The following ZDHHC3 variants were observed in gnomAD, a reference collection of about 807,000 sequenced individuals.
The protein encoded by ZDHHC3 is palmitoyltransferase ZDHHC3.
A neutral mutation model predicts 30.6 loss-of-function variants in ZDHHC3; 9 were observed. The observed-to-expected ratio is 0.29, with a 90% CI of 0.18 to 0.51. The LOEUF is 0.51. ZDHHC3 is among the 20% of genes least tolerant of loss of function. The pLI is 0.97. For missense variants in ZDHHC3, 246 were observed against 384.2 expected (o/e 0.64, Z 3.01); for synonymous variants, 136 against 140.2 (o/e 0.97, Z 0.21).
At position 44,918,254 on chromosome 3, in the gene ZDHHC3, C is replaced by T. The variant is rs1182558782; in HGVS notation, c.*8435G>A. 1.6e-6 allele frequency: 2 copies of T among 1,213,746 alleles called. No individual in the cohort carries two copies. Among genetic ancestry groups the T allele is most frequent in the Non-Finnish European group, 2.1e-6 (2 of 948,854 alleles). 75.2% of individuals were successfully genotyped at this position (1,213,746 alleles called of 1,614,324 possible). A position where few individuals can be genotyped will look rare whatever the true frequency, so the allele number is the denominator to read the frequency against. On this transcript the variant is annotated 3_prime_UTR_variant, in exon 7 of 7. Coordinates refer to ENST00000424952, the MANE Select transcript of ZDHHC3 (RefSeq NM_001135179.2). Reference sequence around the variant, plus strand: ...GTGGCGGGGGGGGGGGCGGGGTGTCCACGGCATGGGTAAGATGGGGTCTGA... The same window carrying T: ...GTGGCGGGGGGGGGGGCGGGGTGTCTACGGCATGGGTAAGATGGGGTCTGA...
rs890772765 is a variant in ZDHHC3 at position 44,976,095 on chromosome 3, G to A, written c.-187C>T. 11 of 451,022 alleles carry A rather than the reference G, an allele frequency of 2.4e-5. No individual in the cohort carries two copies. The highest frequency in any genetic ancestry group is 3.8e-5 in the Non-Finnish European group (10 of 264,826). The allele number at this position is 451,022 out of a possible 1,614,324, so 27.9% of individuals were successfully genotyped here. On this transcript the variant is annotated 5_prime_UTR_variant, in exon 1 of 7. Coordinates refer to ENST00000424952, the MANE Select transcript of ZDHHC3 (RefSeq NM_001135179.2). ...GCTCTCTGGACTCGGCCAGACACCG[G>A]GCGGCGCGCAGGAGAAGCCCATCGA... is the stretch of plus-strand genomic sequence containing the variant.
At position 44,922,243 on chromosome 3, in the gene ZDHHC3, G is replaced by A. The variant is rs576967154; in HGVS notation, c.*4446C>T. The A allele has an allele frequency of 2.8e-5, 28 of 985,460 alleles. No homozygotes were observed. Among genetic ancestry groups the A allele is most frequent in the Admixed American group, 1.2e-4 (2 of 16,286 alleles). The allele number at this position is 985,460 out of a possible 1,614,324, so 61.0% of individuals were successfully genotyped here. A position where few individuals can be genotyped will look rare whatever the true frequency, so the allele number is the denominator to read the frequency against. ...ACACGTAGAAAGCAAAGGTCAAGAC[G>A]TGTTCAGGTCATGTATCCAGGCTGC... On this transcript the variant is annotated 3_prime_UTR_variant, in exon 7 of 7. Coordinates refer to ENST00000424952, the MANE Select transcript of ZDHHC3 (RefSeq NM_001135179.2).
chr3:44,925,321 C>T lies in ZDHHC3; in HGVS notation c.*1368G>A. 3.0e-6 allele frequency: 3 copies of T among 985,896 alleles called. No individual in the cohort carries two copies. Among genetic ancestry groups the T allele is most frequent in the Non-Finnish European group, 3.6e-6 (3 of 829,940 alleles). 61.1% of individuals were successfully genotyped at this position (985,896 alleles called of 1,614,324 possible). A position where few individuals can be genotyped will look rare whatever the true frequency, so the allele number is the denominator to read the frequency against. On this transcript the variant is annotated 3_prime_UTR_variant, in exon 7 of 7. Coordinates refer to ENST00000424952, the MANE Select transcript of ZDHHC3 (RefSeq NM_001135179.2). ...GGACAGGATTGAATAAACCTTAACTCCTACCCCCACCCCAAGCAAAAGCTA... is the reference window on the plus strand; with the variant it reads ...GGACAGGATTGAATAAACCTTAACTTCTACCCCCACCCCAAGCAAAAGCTA...
At chr3:44,968,601 T>A (rs1223077497) in intron 1 of ZDHHC3, among the ~76,000 whole-genome samples, 1 of 152,128 alleles carries the variant, frequency 6.6e-6, no homozygotes, top group East Asian at 1.9e-4. Context: ...GAAGCTGAGA[T>A]AGGAGGATCG....
intron 5 of ZDHHC3, among the ~76,000 whole-genome samples, chr3:44,932,577 C>T (rs370879296): frequency 1.3e-5 from 2 of 152,148 alleles, no homozygotes; most frequent in South Asian, 4.1e-4. Context: ...TTGCACATTT[C>T]AGTGGGAAGC....
At chr3:44,940,534 A>T (rs1378771394) in intron 3 of ZDHHC3, among the ~76,000 whole-genome samples, 1 of 152,148 alleles carries the variant, frequency 6.6e-6, no homozygotes, top group Non-Finnish European at 1.5e-5. Flanking sequence ...TAAGCTGGTG[A>T]GCTCCATGGC....
At chr3:44,946,790 T>G (rs187273252) in intron 2 of ZDHHC3, among the ~76,000 whole-genome samples, 1 of 152,252 alleles carries the variant, frequency 6.6e-6, no homozygotes, top group Admixed American at 6.5e-5. Context: ...TGCTGAACTG[T>G]GCGTATGCAG....
chr3:44,963,917 A>G (rs1704704374), intron 1 of ZDHHC3, among the ~76,000 whole-genome samples: 1 of 152,238 alleles, frequency 6.6e-6, no homozygotes, highest in Admixed American at 6.5e-5. Flanking sequence ...AAATGCAAGG[A>G]GCTGTGCAGG....
chr3:44,949,301 T>A (rs1015136295), intron 2 of ZDHHC3, among the ~76,000 whole-genome samples: 4 of 152,198 alleles, frequency 2.6e-5, no homozygotes, highest in South Asian at 2.1e-4. Context: ...ATAACAGATT[T>A]TATATACATA....
At chr3:44,935,944 C>T (rs1240705017) in intron 3 of ZDHHC3, among the ~76,000 whole-genome samples, 4 of 152,140 alleles carry the variant, frequency 2.6e-5, no homozygotes, top group Non-Finnish European at 5.9e-5. Context: ...CCATCCTGGA[C>T]ATAGGGCAAA....
Position 44,920,263 on chromosome 3 carries a change from G to T in ZDHHC3, c.*6426C>A, listed in dbSNP as rs758982730. On this transcript the variant is annotated 3_prime_UTR_variant, in exon 7 of 7. Coordinates refer to ENST00000424952, the MANE Select transcript of ZDHHC3 (RefSeq NM_001135179.2). ...GCCCCTCGCCAGGCCTCCCTTCTTGGCACAGAAGCAGTGACCAGCTGAGAT... is the reference window on the plus strand; with the variant it reads ...GCCCCTCGCCAGGCCTCCCTTCTTGTCACAGAAGCAGTGACCAGCTGAGAT... 1 of 1,289,902 alleles carries T rather than the reference G, an allele frequency of 7.8e-7. No homozygotes were observed. The highest frequency in any genetic ancestry group is 1.0e-6 in the Non-Finnish European group (1 of 988,902). The allele number at this position is 1,289,902 out of a possible 1,614,324, so 79.9% of individuals were successfully genotyped here.
chr3:44,973,168 T>C (rs984632139), intron 1 of ZDHHC3, among the ~76,000 whole-genome samples: 1 of 152,224 alleles, frequency 6.6e-6, no homozygotes, highest in Non-Finnish European at 1.5e-5. Context: ...ATTAACTATA[T>C]AGTTCATAGG....
rs1033309909 is a variant in ZDHHC3, at chr3:44,923,035, G to A, written c.*3654C>T. On this transcript the variant is annotated 3_prime_UTR_variant, in exon 7 of 7. Coordinates refer to ENST00000424952, the MANE Select transcript of ZDHHC3 (RefSeq NM_001135179.2). The stretch of plus-strand genomic sequence containing the variant: ...AAGCCCATCCCAGCCCACCCGGAGA[G>A]GAGTTTCTGTGTAATGCCAACCTCA... 3.0e-6 allele frequency: 3 copies of A among 984,874 alleles called. No homozygotes were observed. Among genetic ancestry groups the A allele is most frequent in the South Asian group, 4.7e-5 (1 of 21,240 alleles). 61.0% of individuals were successfully genotyped at this position (984,874 alleles called of 1,614,324 possible). A position where few individuals can be genotyped will look rare whatever the true frequency, so the allele number is the denominator to read the frequency against.
At chr3:44,931,202 C>A (rs950008993) in intron 5 of ZDHHC3, among the ~76,000 whole-genome samples, 1 of 152,202 alleles carries the variant, frequency 6.6e-6, no homozygotes, top group Non-Finnish European at 1.5e-5. Context: ...CAGGGGAATA[C>A]TTAAGAATTC....
intron 3 of ZDHHC3, among the ~76,000 whole-genome samples, chr3:44,936,682 C>G (rs1346517240): frequency 6.6e-6 from 1 of 152,016 alleles, no homozygotes; most frequent in Non-Finnish European, 1.5e-5. Flanking sequence ...TATGTGGCCA[C>G]AAAGATGGGA....
rs553360768 is a variant in ZDHHC3 at position 44,944,426 on chromosome 3, G to A, written c.431+742C>T. 2.4e-4 allele frequency among the ~76,000 whole-genome samples: 37 copies of A among 152,266 alleles called. No individual in the cohort carries two copies. In the East Asian group the frequency reaches 5.2e-3, roughly 22 times the overall value. On this transcript the variant is annotated intron_variant, in intron 3 of 6. Coordinates refer to ENST00000424952, the MANE Select transcript of ZDHHC3 (RefSeq NM_001135179.2). Reference sequence around the variant, plus strand: ...CTCCTAAAGTGCTGGGATTACAGGCGTGAGCCACTGCGCCCGGCCTAATTT... The same window carrying A: ...CTCCTAAAGTGCTGGGATTACAGGCATGAGCCACTGCGCCCGGCCTAATTT...
At chr3:44,950,818 A>G (rs1159200285) in intron 2 of ZDHHC3, among the ~76,000 whole-genome samples, 2 of 152,230 alleles carry the variant, frequency 1.3e-5, no homozygotes, top group African/African-American at 4.8e-5. Flanking sequence ...AATCCTGGAC[A>G]GACAGCAGGA....
intron 3 of ZDHHC3, among the ~76,000 whole-genome samples, chr3:44,944,807 C>CT (rs1320433989): frequency 5.9e-5 from 9 of 152,186 alleles, no homozygotes; most frequent in African/African-American, 1.9e-4. Context: ...TTTTCTAAAG[C>CT]TTTTTCTCAT....
intron 2 of ZDHHC3, among the ~76,000 whole-genome samples, chr3:44,946,625 T>G (rs1295292242): frequency 6.6e-6 from 1 of 152,106 alleles, no homozygotes; most frequent in Non-Finnish European, 1.5e-5. Context: ...AGAGGAGTTT[T>G]AAGTAGTGAT....
Sources: allele counts gnomAD v4.1 joint callset (sites outside exome capture counted in the v4.1 genomes callset), GRCh38; gene constraint gnomAD v4.1.1; transcripts MANE v1.5; gene names NCBI Gene and HGNC (gene_info 2026-07-23, HGNC 2026-07-21).